Variants in RNF212B observed in about 807,000 individuals in gnomAD.
RNF212B encodes the protein E3 ubiquitin-protein ligase RNF212B.
Under a neutral mutation model 55.5 loss-of-function variants are expected in RNF212B, and 52 were observed. That is an observed-to-expected ratio of 0.94 (90% confidence interval 0.75 to 1.18). RNF212B has a LOEUF of 1.18. Ranked by LOEUF, RNF212B falls within the 50% of genes most tolerant of loss-of-function variation. The probability of loss-of-function intolerance (pLI) is 0.00; values close to 1 mark genes in which losing one functional copy is unlikely to be tolerated. For missense variants in RNF212B, 289 were observed against 350.4 expected, an observed-to-expected ratio of 0.82 and a Z score of 1.40; for synonymous variants, 99 against 121.4, an observed-to-expected ratio of 0.82 and a Z score of 1.21.
At chr14:23,201,032 T>C (rs1879237857) in intron 2 of RNF212B, among the ~76,000 whole-genome samples, 2 of 152,182 alleles carry the variant, frequency 1.3e-5, no homozygotes, top group African/African-American at 4.8e-5. Context: ...AAGCTGTCAA[T>C]AGCTCAAAAG....
chr14:23,262,690 A>G lies in RNF212B; in HGVS notation c.460A>G (p.Ile154Val). Residue 154 changes from isoleucine to valine, a missense_variant, in exon 8 of 15, where the codon ATT becomes GTT. By Grantham distance (29) the Ile-to-Val change is conservative. Transcript: ENST00000430154. Reference protein sequence around the residue: ...SRSITPRPVGITSPSQSVTPR... With the variant: ...SRSITPRPVGVTSPSQSVTPR... ...GTCAATCACACCTCGACCAGTGGGC[A>G]TTACTTCCCCATCACAGTCAGGTGG... The G allele has an allele frequency of 6.4e-7, 1 of 1,550,460 alleles. No individual in the cohort carries two copies. Among genetic ancestry groups the G allele is most frequent in the Non-Finnish European group, 8.7e-7 (1 of 1,146,972 alleles).
intron 2 of RNF212B, among the ~76,000 whole-genome samples, chr14:23,226,308 A>G (rs1882006241): frequency 6.9e-6 from 1 of 145,734 alleles, no homozygotes; most frequent in Non-Finnish European, 1.5e-5. Flanking sequence ...AAAAAAAAAA[A>G]AAAAAAAATT....
Position 23,264,614 on chromosome 14 carries a change from GTC to G in RNF212B, c.586-7_586-6del. 7.5e-7 allele frequency: 1 copy of G among 1,339,020 alleles called. No individual in the cohort carries two copies. The highest frequency in any genetic ancestry group is 9.6e-7 in the Non-Finnish European group (1 of 1,036,512). The allele number at this position is 1,339,020 out of a possible 1,614,324, so 82.9% of individuals were successfully genotyped here. A position where few individuals can be genotyped will look rare whatever the true frequency, so the allele number is the denominator to read the frequency against. ...ATTTATTAATTGATGCTTATTATTT[GTC>G]TATCAGGGAGGCAGAGGTCTGCAGG... is the stretch of plus-strand genomic sequence containing the variant. On this transcript the variant is annotated splice_polypyrimidine_tract_variant and splice_region_variant and intron_variant, in intron 10 of 14. Coordinates refer to ENST00000430154, the MANE Select transcript of RNF212B (RefSeq NM_001282322.3).
In RNF212B at chr14:23,229,261, T is replaced by TATATACAC. The variant is rs558232357; in HGVS notation, c.-1-11083_-1-11082insTATACACA. Among the ~76,000 whole-genome samples the TATATACAC allele has an allele frequency of 2.0e-3, 249 of 127,170 alleles. 6 individuals are homozygous for TATATACAC. The highest frequency in any genetic ancestry group is 3.3e-3 in the Non-Finnish European group (197 of 60,224). The allele number at this position is 127,170 out of a possible 152,430, so 83.4% of individuals were successfully genotyped here. Reference sequence around the variant, plus strand: ...ATATATATATATATATATATATATATACCACATTGTTTATCCATTCATCTA... The same window carrying TATATACAC: ...ATATATATATATATATATATATATATATATACACACCACATTGTTTATCCATTCATCTA... On this transcript the variant is annotated intron_variant, in intron 2 of 15. Coordinates refer to the RNF212B transcript ENST00000399910.
chr14:23,195,823 A>T (rs931295402), intron 2 of RNF212B, among the ~76,000 whole-genome samples: 1 of 152,204 alleles, frequency 6.6e-6, no homozygotes. Context: ...AACCTTCCAA[A>T]CAACCTTTCA....
At chr14:23,254,382 C>T (rs1343833819) in intron 4 of RNF212B, among the ~76,000 whole-genome samples, 1 of 151,924 alleles carries the variant, frequency 6.6e-6, no homozygotes, top group African/African-American at 2.4e-5. Context: ...CTCCTATAAT[C>T]CCAGCACTTG....
intron 7 of RNF212B, 34 bp downstream of exon 7, chr14:23,260,721 C>A: frequency 1.3e-6 from 2 of 1,545,430 alleles, no homozygotes; most frequent in Non-Finnish European, 1.8e-6. Context: ...TAGCCCAGCC[C>A]CCTGAAAATT....
At chr14:23,209,907 C>G (rs994169202) in intron 2 of RNF212B, among the ~76,000 whole-genome samples, 2 of 152,208 alleles carry the variant, frequency 1.3e-5, no homozygotes, top group Admixed American at 6.5e-5. Context: ...AATCACAGCA[C>G]TTTGGGAGGC....
At chr14:23,240,793 G>A (rs922460332) in intron 2 of RNF212B, among the ~76,000 whole-genome samples, 4 of 152,174 alleles carry the variant, frequency 2.6e-5, no homozygotes, top group African/African-American at 9.7e-5. Context: ...TGATAGAAGA[G>A]CCATTTCTAA....
intron 2 of RNF212B, among the ~76,000 whole-genome samples, chr14:23,221,206 G>A (rs1881542923): frequency 2.7e-5 from 4 of 149,786 alleles, no homozygotes; most frequent in Admixed American, 2.7e-4. Context: ...GGCCAGCATG[G>A]TGAAACCCTG....
At chr14:23,255,224 C>T (rs1183303829) in intron 4 of RNF212B, among the ~76,000 whole-genome samples, 1 of 152,220 alleles carries the variant, frequency 6.6e-6, no homozygotes, top group African/African-American at 2.4e-5. Context: ...CTTGTCTTCT[C>T]AGTTAATCAG....
chr14:23,191,159 G>T (rs757034964), intron 1 of RNF212B, among the ~76,000 whole-genome samples: 6 of 152,104 alleles, frequency 3.9e-5, no homozygotes, highest in Non-Finnish European at 7.4e-5. Context: ...TTCAAGACCA[G>T]CCTGGCCAAC....
At chr14:23,257,820 A>G (rs1362729740) in intron 4 of RNF212B, among the ~76,000 whole-genome samples, 1 of 152,232 alleles carries the variant, frequency 6.6e-6, no homozygotes, top group East Asian at 1.9e-4. Flanking sequence ...CTATAGCAGC[A>G]TAAGCAGCCT....
At chr14:23,214,450 C>T (rs905023407) in intron 2 of RNF212B, among the ~76,000 whole-genome samples, 14 of 151,962 alleles carry the variant, frequency 9.2e-5, no homozygotes, top group Admixed American at 6.6e-5. Context: ...GCCCAAATTG[C>T]GCCAATGTAC....
chr14:23,200,314 G>C (rs1008855676), intron 2 of RNF212B, among the ~76,000 whole-genome samples: 3 of 151,964 alleles, frequency 2.0e-5, no homozygotes, highest in Non-Finnish European at 4.4e-5. Context: ...CAAGTTGGGT[G>C]AATTTCCTCT....
At chr14:23,229,133 C>T (rs988965446) in intron 2 of RNF212B, among the ~76,000 whole-genome samples, 12 of 148,162 alleles carry the variant, frequency 8.1e-5, no homozygotes, top group African/African-American at 3.0e-4. Context: ...TTGTGTCTGG[C>T]TTATTTCACT....
At chr14:23,254,147 T>C (rs1884613065) in intron 4 of RNF212B, among the ~76,000 whole-genome samples, 1 of 151,790 alleles carries the variant, frequency 6.6e-6, no homozygotes, top group Admixed American at 6.6e-5. Flanking sequence ...TAGAGGGGTA[T>C]GGTGGCATGC....
chr14:23,224,110 A>T (rs542614574), intron 2 of RNF212B, among the ~76,000 whole-genome samples: 2 of 152,314 alleles, frequency 1.3e-5, no homozygotes, highest in East Asian at 3.9e-4. Context: ...CAAAGGAAAG[A>T]TATTTCATGT....
intron 2 of RNF212B, among the ~76,000 whole-genome samples, chr14:23,195,643 C>G (rs1307590540): frequency 6.6e-6 from 1 of 152,186 alleles, no homozygotes; most frequent in Non-Finnish European, 1.5e-5. Context: ...TCAAATGAAA[C>G]CTGTGCTCTC....
Sources: gnomAD v4.1 joint callset for allele counts (sites outside exome capture counted in the v4.1 genomes callset) on GRCh38, gnomAD v4.1.1 for gene constraint, MANE v1.5 for transcripts, NCBI Gene and HGNC (gene_info 2026-07-23, HGNC 2026-07-21) for gene names.